GPC6: variants seen among roughly 807,000 people sequenced by gnomAD.
GPC6 encodes glypican 6, also known as glypican-6.
GPC6 carries 14 observed loss-of-function variants against 55.2 expected under a neutral mutation model. The observed-to-expected ratio is 0.25, with a 90% CI of 0.17 to 0.40. GPC6 has a LOEUF of 0.40. GPC6 is among the 10% of genes least tolerant of loss of function. GPC6 has a pLI of 1.00. For synonymous variants in GPC6, 278 were observed against 259.6 expected, an observed-to-expected ratio of 1.07 and a Z score of -0.68; for missense variants, 641 against 708.5, an observed-to-expected ratio of 0.90 and a Z score of 1.08.
intron 1 of GPC6, among the ~76,000 whole-genome samples, chr13:93,323,461 C>T (rs1879528722): frequency 6.6e-6 from 1 of 152,140 alleles, no homozygotes; most frequent in Non-Finnish European, 1.5e-5. Flanking sequence ...CAAACTTCCA[C>T]CTCATTTCTT....
rs58525523 is a variant in GPC6, at chr13:94,277,277, G to GT, written c.878-9061dup. ...ATATCCTTTGCCGACTTTTTGATGG[G>GT]TTTTTTTTTTTCTTGTACATTTTTT... On this transcript the variant is annotated intron_variant, in intron 4 of 8. Transcript: ENST00000377047. 4.7e-4 allele frequency among the ~76,000 whole-genome samples: 70 copies of GT among 148,534 alleles called. 1 individual carries two copies. Among genetic ancestry groups the GT allele is most frequent in the Admixed American group, 2.0e-3 (30 of 14,916 alleles).
intron 2 of GPC6, among the ~76,000 whole-genome samples, chr13:93,716,364 T>G (rs1348769755): frequency 6.6e-6 from 1 of 151,628 alleles, no homozygotes; most frequent in Admixed American, 6.6e-5. Flanking sequence ...CATGCCAGCT[T>G]CAGGTCTTGT....
At position 94,017,016 on chromosome 13, in the gene GPC6, G is replaced by A. The variant is rs550001605; in HGVS notation, c.712-10713G>A. ...TGCCCAGCTAATTTTTGTATTTTTA[G>A]TAGAGATGGGGTTTCACCATGTTGG... On this transcript the variant is annotated intron_variant, in intron 3 of 8. Transcript: ENST00000377047. 5.3e-5 allele frequency among the ~76,000 whole-genome samples: 8 copies of A among 152,118 alleles called. No individual in the cohort carries two copies. The East Asian group carries it at 1.4e-3, about 26-fold the overall frequency.
intron 3 of GPC6, among the ~76,000 whole-genome samples, chr13:93,995,086 C>G (rs1249582670): frequency 6.6e-6 from 1 of 152,152 alleles, no homozygotes; most frequent in Non-Finnish European, 1.5e-5. Context: ...CCATGATACA[C>G]AAAATCATGG....
intron 4 of GPC6, among the ~76,000 whole-genome samples, chr13:94,272,185 G>C (rs1892048892): frequency 6.6e-6 from 1 of 151,952 alleles, no homozygotes; most frequent in African/African-American, 2.4e-5. Flanking sequence ...TGAATTCAAT[G>C]GGGAATTCCA....
rs183502913 is a variant in GPC6, at chr13:93,269,604, A to G, written c.160+41988A>G. On this transcript the variant is annotated intron_variant, in intron 1 of 8. Transcript: ENST00000377047. Reference sequence around the variant, plus strand: ...TCTGTTTCAATTAATAACTTGCTAGAAGATCAACAGAAGCCAACTGTATAG... The same window carrying G: ...TCTGTTTCAATTAATAACTTGCTAGGAGATCAACAGAAGCCAACTGTATAG... Among the ~76,000 whole-genome samples the G allele has an allele frequency of 4.4e-4, 67 of 152,140 alleles. No individual in the cohort carries two copies. The East Asian group carries it at 0.013, about 29-fold the overall frequency.
At chr13:94,111,637 C>A (rs1886253461) in intron 4 of GPC6, among the ~76,000 whole-genome samples, 1 of 151,976 alleles carries the variant, frequency 6.6e-6, no homozygotes, top group Non-Finnish European at 1.5e-5. Context: ...TCTTTCCTTT[C>A]TTCTTCCTTA....
intron 1 of GPC6, among the ~76,000 whole-genome samples, chr13:93,308,820 GAA>G (rs1430997005): frequency 6.6e-6 from 1 of 152,158 alleles, no homozygotes; most frequent in East Asian, 1.9e-4. Context: ...TTATGGCTAA[GAA>G]AATATTAGGA....
At chr13:93,320,782 T>A (rs1879412492) in intron 1 of GPC6, among the ~76,000 whole-genome samples, 1 of 152,150 alleles carries the variant, frequency 6.6e-6, no homozygotes, top group Non-Finnish European at 1.5e-5. Flanking sequence ...TCTGTAACTT[T>A]CTTTTCTGTT....
chr13:93,580,081 T>C (rs1213895829), intron 2 of GPC6, among the ~76,000 whole-genome samples: 1 of 152,178 alleles, frequency 6.6e-6, no homozygotes, highest in African/African-American at 2.4e-5. Flanking sequence ...TAAACAACAG[T>C]CATTTATCTC....
At chr13:93,239,910 T>A (rs914831689) in intron 1 of GPC6, among the ~76,000 whole-genome samples, 1 of 152,126 alleles carries the variant, frequency 6.6e-6, no homozygotes, top group Non-Finnish European at 1.5e-5. Context: ...CAGGAGCAGA[T>A]AATTTAATTT....
chr13:94,308,402 A>G (rs1876066123), intron 6 of GPC6, among the ~76,000 whole-genome samples: 2 of 152,204 alleles, frequency 1.3e-5, no homozygotes, highest in African/African-American at 4.8e-5. Flanking sequence ...TCTAGCTATA[A>G]AGGTCTCGAG....
chr13:94,333,038 A>C (rs993741415), intron 6 of GPC6, among the ~76,000 whole-genome samples: 1 of 152,244 alleles, frequency 6.6e-6, no homozygotes, highest in Non-Finnish European at 1.5e-5. Flanking sequence ...TGGTCTGTGC[A>C]TCAGGGATGG....
At chr13:93,633,738 G>A (rs1044151345) in intron 2 of GPC6, among the ~76,000 whole-genome samples, 3 of 151,834 alleles carry the variant, frequency 2.0e-5, no homozygotes, top group Admixed American at 1.3e-4. Context: ...GAAGGAAAGG[G>A]CAGAGACTAG....
At chr13:93,353,471 A>T (rs892126885) in intron 1 of GPC6, among the ~76,000 whole-genome samples, 2 of 152,186 alleles carry the variant, frequency 1.3e-5, no homozygotes, top group Admixed American at 6.5e-5. Context: ...GAACTCATGA[A>T]CTTCTCGTGA....
chr13:94,248,674 TGAGAGAGA>T (rs142240819), intron 4 of GPC6, among the ~76,000 whole-genome samples: 2 of 146,648 alleles, frequency 1.4e-5, no homozygotes, highest in Non-Finnish European at 1.5e-5. Context: ...CATTTCAGGC[TGAGAGAGA>T]GAGAGAGAGA....
intron 1 of GPC6, among the ~76,000 whole-genome samples, chr13:93,238,535 C>A (rs1876319024): frequency 6.6e-6 from 1 of 151,416 alleles, no homozygotes; most frequent in South Asian, 2.1e-4. Context: ...CATAGTTTGA[C>A]TTCCTCTTTT....
intron 2 of GPC6, among the ~76,000 whole-genome samples, chr13:93,752,861 C>A (rs752829550): frequency 6.6e-6 from 1 of 152,118 alleles, no homozygotes; most frequent in Non-Finnish European, 1.5e-5. Context: ...TCCCTACTGC[C>A]GAGGTTTGTG....
chr13:93,667,869 G>A (rs1305734298), intron 2 of GPC6, among the ~76,000 whole-genome samples: 2 of 151,958 alleles, frequency 1.3e-5, no homozygotes, highest in Non-Finnish European at 2.9e-5. Context: ...GCTTGAGTTA[G>A]AACTTGATCA....
Sources: gnomAD v4.1 joint callset for allele counts (sites outside exome capture counted in the v4.1 genomes callset) on GRCh38, gnomAD v4.1.1 for gene constraint, MANE v1.5 for transcripts, NCBI Gene and HGNC (gene_info 2026-07-23, HGNC 2026-07-21) for gene names.